The following EDIL3 variants were observed in gnomAD, a reference collection of about 807,000 sequenced individuals.
EDIL3 encodes EGF like and discoidin domains 3, also known as EGF-like repeat and discoidin I-like domain-containing protein 3.
A neutral mutation model predicts 67.4 loss-of-function variants in EDIL3; 37 were observed. That is an observed-to-expected ratio of 0.55 (90% CI 0.42 to 0.72). EDIL3 has a LOEUF of 0.72. Among genes scored for constraint, EDIL3 ranks in the 30% least tolerant of loss-of-function variants. The probability of loss-of-function intolerance (pLI) is 0.00; values close to 1 mark genes in which losing one functional copy is unlikely to be tolerated. For missense variants in EDIL3, 527 were observed against 586.3 expected (o/e 0.90, Z 1.04); for synonymous variants, 195 against 196.3 (o/e 0.99, Z 0.05).
chr5:84,046,311 A>T (rs546348227), intron 9 of EDIL3, among the ~76,000 whole-genome samples: 1 of 152,108 alleles, frequency 6.6e-6, no homozygotes, highest in African/African-American at 2.4e-5. Context: ...TCAAGACAAG[A>T]TAAGTGACCA....
chr5:84,316,253 C>T (rs1357171118), intron 1 of EDIL3, among the ~76,000 whole-genome samples: 1 of 152,154 alleles, frequency 6.6e-6, no homozygotes, highest in Non-Finnish European at 1.5e-5. Context: ...CAAATTCACA[C>T]ATAACAATAT....
intron 1 of EDIL3, among the ~76,000 whole-genome samples, chr5:84,332,247 T>C (rs1371625938): frequency 6.6e-6 from 1 of 152,096 alleles, no homozygotes; most frequent in Non-Finnish European, 1.5e-5. Flanking sequence ...TGGCACATGC[T>C]TGTAGTCACA....
intron 1 of EDIL3, among the ~76,000 whole-genome samples, chr5:84,304,432 C>T (rs1746223778): frequency 1.3e-5 from 2 of 152,172 alleles, no homozygotes; most frequent in Admixed American, 6.5e-5. Context: ...AGCTGACATG[C>T]ACGACGGACC....
chr5:84,353,641 G>A (rs976760938), intron 1 of EDIL3, among the ~76,000 whole-genome samples: 54 of 152,130 alleles, frequency 3.5e-4, no homozygotes, highest in Non-Finnish European at 1.6e-4. Flanking sequence ...TGAAGAGGAA[G>A]AAATTTGGGT....
intron 3 of EDIL3, among the ~76,000 whole-genome samples, chr5:84,221,252 G>A (rs1744335572): frequency 6.6e-6 from 1 of 151,984 alleles, no homozygotes; most frequent in Non-Finnish European, 1.5e-5. Flanking sequence ...AATTGTTTAT[G>A]CCAAGTCTGA....
At chr5:84,084,628 A>C (rs1171225926) in intron 6 of EDIL3, among the ~76,000 whole-genome samples, 1 of 152,170 alleles carries the variant, frequency 6.6e-6, no homozygotes, top group Non-Finnish European at 1.5e-5. Context: ...ATAACAACTA[A>C]AAGTATTTAA....
intron 1 of EDIL3, among the ~76,000 whole-genome samples, chr5:84,254,748 T>A (rs951517982): frequency 4.6e-5 from 7 of 152,156 alleles, no homozygotes; most frequent in Admixed American, 3.9e-4. Flanking sequence ...GAGATCGTCA[T>A]GTGAATGAAT....
intron 6 of EDIL3, among the ~76,000 whole-genome samples, chr5:84,096,088 T>C (rs1181708016): frequency 1.3e-5 from 2 of 152,150 alleles, no homozygotes; most frequent in Non-Finnish European, 2.9e-5. Flanking sequence ...CAGGCAGAAG[T>C]TTGCTGCAGG....
chr5:84,328,825 A>C (rs1746817248), intron 1 of EDIL3, among the ~76,000 whole-genome samples: 1 of 152,116 alleles, frequency 6.6e-6, no homozygotes, highest in Admixed American at 6.6e-5. Context: ...AATTGGGAAA[A>C]GAAGTAGCAG....
intron 1 of EDIL3, among the ~76,000 whole-genome samples, chr5:84,257,601 T>C (rs1745144825): frequency 6.6e-6 from 1 of 152,174 alleles, no homozygotes; most frequent in Non-Finnish European, 1.5e-5. Context: ...AGCTCCTGCC[T>C]GGATGATTGA....
chr5:83,975,011 A>C (rs1308878841), intron 9 of EDIL3, among the ~76,000 whole-genome samples: 1 of 152,034 alleles, frequency 6.6e-6, no homozygotes, highest in East Asian at 1.9e-4. Context: ...TCTGAATATG[A>C]TTTAATGAGT....
Position 84,262,659 on chromosome 5 carries a change from G to GTTTTTTTTTTTTTTTTTTTTTTTTTT in EDIL3, c.68-8473_68-8448dup, listed in dbSNP as rs773035274. Among the ~76,000 whole-genome samples the GTTTTTTTTTTTTTTTTTTTTTTTTTT allele has an allele frequency of 1.6e-3, 75 of 46,316 alleles. 25 individuals carry two copies. Among genetic ancestry groups the GTTTTTTTTTTTTTTTTTTTTTTTTTT allele is most frequent in the East Asian group, 4.3e-3 (5 of 1,152 alleles). 30.4% of individuals were successfully genotyped at this position (46,316 alleles called of 152,430 possible). A position where few individuals can be genotyped will look rare whatever the true frequency, so the allele number is the denominator to read the frequency against. On this transcript the variant is annotated intron_variant, in intron 1 of 10. Transcript: ENST00000296591. ...AAACTACAATTCCCAAGGTTGGTTG[G>GTTTTTTTTTTTTTTTTTTTTTTTTTT]TTTTTTTTTTTTTTTTTTTTTTTTT... is the stretch of plus-strand genomic sequence containing the variant.
intron 9 of EDIL3, among the ~76,000 whole-genome samples, chr5:84,022,788 T>C (rs1262732537): frequency 6.6e-6 from 1 of 151,782 alleles, no homozygotes; most frequent in East Asian, 1.9e-4. Flanking sequence ...TGAAGAGAGG[T>C]TGGGAAATGA....
intron 1 of EDIL3, among the ~76,000 whole-genome samples, chr5:84,355,172 T>C (rs953015294): frequency 6.6e-6 from 1 of 152,078 alleles, no homozygotes; most frequent in Non-Finnish European, 1.5e-5. Context: ...CTTTGAGGCT[T>C]TGTTCATTCC....
intron 6 of EDIL3, among the ~76,000 whole-genome samples, chr5:84,098,140 T>C (rs1223134316): frequency 6.6e-6 from 1 of 151,988 alleles, no homozygotes; most frequent in Non-Finnish European, 1.5e-5. Context: ...TTACCAACTC[T>C]TTAAATCCAG....
At chr5:84,156,919 C>A (rs899910299) in intron 4 of EDIL3, among the ~76,000 whole-genome samples, 1 of 151,986 alleles carries the variant, frequency 6.6e-6, no homozygotes, top group African/African-American at 2.4e-5. Context: ...AGACACTAGA[C>A]CAGAGTACTA....
intron 10 of EDIL3, among the ~76,000 whole-genome samples, chr5:83,944,129 C>T (rs1222250994): frequency 6.6e-6 from 1 of 152,058 alleles, no homozygotes; most frequent in East Asian, 1.9e-4. Flanking sequence ...AGGCTGGGCA[C>T]TGGAGAGAAG....
At chr5:83,959,824 T>C (rs577119937) in intron 10 of EDIL3, among the ~76,000 whole-genome samples, 1 of 150,874 alleles carries the variant, frequency 6.6e-6, no homozygotes. Context: ...CTAGTAATAA[T>C]AAAGCAAAAG....
At chr5:84,275,123 C>CGAT (rs373900566) in intron 1 of EDIL3, among the ~76,000 whole-genome samples, 6 of 152,232 alleles carry the variant, frequency 3.9e-5, no homozygotes, top group African/African-American at 1.4e-4. Flanking sequence ...CTCCAGATCC[C>CGAT]CAAATCAGTG....
Sources: allele counts gnomAD v4.1 joint callset (sites outside exome capture counted in the v4.1 genomes callset), GRCh38; gene constraint gnomAD v4.1.1; transcripts MANE v1.5; gene names NCBI Gene and HGNC (gene_info 2026-07-23, HGNC 2026-07-21).